CDH4: variants seen among roughly 807,000 people sequenced by gnomAD.
The protein encoded by CDH4 is cadherin-4.
CDH4 carries 33 observed loss-of-function variants against 86.0 expected under a neutral mutation model. That is an observed-to-expected ratio of 0.38 (90% confidence interval 0.29 to 0.51). The LOEUF (loss-of-function observed/expected upper bound fraction) is 0.51. CDH4 is among the 20% of genes least tolerant of loss of function. The probability of loss-of-function intolerance (pLI) is 0.86; values close to 1 mark genes in which losing one functional copy is unlikely to be tolerated. For missense variants in CDH4, 1,114 were observed against 1,307.4 expected, an observed-to-expected ratio of 0.85 and a Z score of 2.28; for synonymous variants, 555 against 549.4, an observed-to-expected ratio of 1.01 and a Z score of -0.14.
chr20:61,789,170 G>C (rs1979033153), intron 4 of CDH4, among the ~76,000 whole-genome samples: 1 of 152,186 alleles, frequency 6.6e-6, no homozygotes, highest in Non-Finnish European at 1.5e-5. Flanking sequence ...GATGGCACTG[G>C]CTTTCTCCGT....
intron 2 of CDH4, among the ~76,000 whole-genome samples, chr20:61,458,120 ATGGTGGTGG>A (rs570556793): frequency 6.9e-6 from 1 of 144,540 alleles, no homozygotes; most frequent in Non-Finnish European, 1.5e-5. Context: ...GACAGTGCTG[ATGGTGGTGG>A]TGGTGGTGAT....
chr20:61,934,547 G>A (rs972200680), intron 15 of CDH4, among the ~76,000 whole-genome samples: 14 of 152,250 alleles, frequency 9.2e-5, no homozygotes, highest in African/African-American at 3.1e-4. Flanking sequence ...GGCCTCAGGA[G>A]GAGAATCAGC....
chr20:61,545,821 CAT>C (rs552475216), intron 2 of CDH4, among the ~76,000 whole-genome samples: 12 of 134,788 alleles, frequency 8.9e-5, no homozygotes, highest in South Asian at 7.5e-4. Context: ...TGCGTGTTCA[CAT>C]GTGTGTATGT....
chr20:61,864,789 C>T (rs888122384), intron 6 of CDH4, among the ~76,000 whole-genome samples: 5 of 152,312 alleles, frequency 3.3e-5, no homozygotes, highest in Admixed American at 1.3e-4. Context: ...AATCCACTGA[C>T]AAACCAGCCC....
chr20:61,695,190 T>C (rs1171577647), intron 2 of CDH4, among the ~76,000 whole-genome samples: 5 of 152,258 alleles, frequency 3.3e-5, no homozygotes, highest in Non-Finnish European at 7.3e-5. Flanking sequence ...TAGCAACTTA[T>C]GCAGTAGGCA....
chr20:61,720,512 AGGGGTACAGAGTGGAGGGGTAT>A (rs2088026434), intron 2 of CDH4, among the ~76,000 whole-genome samples: 2 of 51,178 alleles, frequency 3.9e-5, no homozygotes, highest in South Asian at 1.2e-3. Flanking sequence ...TGCAGAGTGG[AGGGGTACAGAGTGGAGGGGTAT>A]GGGGTGCAGA....
In CDH4 at chr20:61,686,424, CGTGT is replaced by C. The variant is rs1568755367; in HGVS notation, c.170-57136_170-57133del. The stretch of plus-strand genomic sequence containing the variant: ...ACGTGTGTATGTGCCTGTACATTTG[CGTGT>C]GTATGTGCGTGTGCGTGTGCATTCG... On this transcript the variant is annotated intron_variant, in intron 2 of 15. Transcript: ENST00000614565. Among the ~76,000 whole-genome samples the C allele has an allele frequency of 1.1e-4, 16 of 146,130 alleles. No individual in the cohort carries two copies. The South Asian group carries it at 3.4e-3, about 31-fold the overall frequency.
rs187499387 is a variant in CDH4 at position 61,501,852 on chromosome 20, G to A, written c.170-241711G>A. Among the ~76,000 whole-genome samples the A allele has an allele frequency of 1.4e-4, 21 of 152,232 alleles. No individual in the cohort carries two copies. The highest frequency in any genetic ancestry group is 7.2e-4 in the Admixed American group (11 of 15,284). The stretch of plus-strand genomic sequence containing the variant: ...TGATTCCGGTGCTAACGCTGGACAC[G>A]TGTGTCCTTGTATATACCTGTTGCG... On this transcript the variant is annotated intron_variant, in intron 2 of 15. Coordinates refer to ENST00000614565, the MANE Select transcript of CDH4 (RefSeq NM_001794.5). This position sits in a 1 kb window ranked among gnomAD's most constrained non-coding sequence, Gnocchi z 4.2.
intron 2 of CDH4, among the ~76,000 whole-genome samples, chr20:61,346,523 C>T (rs1321352364): frequency 6.6e-6 from 1 of 152,106 alleles, no homozygotes; most frequent in African/African-American, 2.4e-5. Context: ...GCAGGCGGAT[C>T]ACCTGAGGCC....
At chr20:61,655,962 G>T (rs1429751578) in intron 2 of CDH4, among the ~76,000 whole-genome samples, 1 of 152,178 alleles carries the variant, frequency 6.6e-6, no homozygotes, top group Non-Finnish European at 1.5e-5. Context: ...AGTGTGAGAG[G>T]CTCGAGGGTG....
intron 2 of CDH4, among the ~76,000 whole-genome samples, chr20:61,429,074 G>A (rs913428872): frequency 3.5e-5 from 5 of 143,664 alleles, no homozygotes; most frequent in Non-Finnish European, 8.0e-5. Context: ...TTATGTTACC[G>A]TCATAAGTTA....
intron 2 of CDH4, among the ~76,000 whole-genome samples, chr20:61,279,243 G>A (rs1328482858): frequency 1.3e-5 from 2 of 152,196 alleles, no homozygotes; most frequent in Admixed American, 6.5e-5. Context: ...CACTCATGCT[G>A]TCTACCTGGC....
chr20:61,411,531 G>T (rs1161899622), intron 2 of CDH4, among the ~76,000 whole-genome samples: 1 of 151,886 alleles, frequency 6.6e-6, no homozygotes, highest in Non-Finnish European at 1.5e-5. Context: ...TCAACCTGGG[G>T]GCTCAGCTGC....
chr20:61,346,741 CA>C (rs11477481), intron 2 of CDH4, among the ~76,000 whole-genome samples: 76,888 of 135,284 alleles, frequency 0.57, 20,500 homozygotes, highest in African/African-American at 0.64. Context: ...GAGACTCTGT[CA>C]AAAAAAAAAA....
chr20:61,611,782 G>A (rs1041434755), intron 2 of CDH4, among the ~76,000 whole-genome samples: 2 of 152,112 alleles, frequency 1.3e-5, no homozygotes, highest in Admixed American at 6.5e-5. Context: ...TCAGTGGGGT[G>A]GATCAGCCAC....
intron 2 of CDH4, among the ~76,000 whole-genome samples, chr20:61,586,620 C>G (rs1348944883): frequency 3.9e-5 from 6 of 152,172 alleles, no homozygotes; most frequent in African/African-American, 1.2e-4. Flanking sequence ...TTCATTTGAT[C>G]CTTTTGTAGA....
At position 61,254,888 on chromosome 20, in the gene CDH4, C is replaced by G. The variant is rs1389605821; in HGVS notation, c.120C>G (p.Tyr40Ter). The change falls in exon 2 of 16, where the codon TAC becomes TAG. Residue 40 changes from tyrosine (Y) to a stop codon, truncating the protein, a stop_gained. Coordinates refer to ENST00000614565, the MANE Select transcript of CDH4 (RefSeq NM_001794.5). LOFTEE classifies it high-confidence loss of function. ...AGGCTGGGTTCTCTGAAGATGATTA[C>G]ACGGCATTAATCTCCCAAAATATTC... ...TCKAGFSEDDYTALISQNILE... is the reference protein window; with the variant it reads ...TCKAGFSEDD 1 of 1,613,376 alleles carries G rather than the reference C, an allele frequency of 6.2e-7. No homozygotes were observed. The highest frequency in any genetic ancestry group is 8.5e-7 in the Non-Finnish European group (1 of 1,179,356).
chr20:61,345,671 A>G (rs6101323), intron 2 of CDH4, among the ~76,000 whole-genome samples: 30,021 of 152,148 alleles, frequency 0.2, 2,962 homozygotes, highest in Middle Eastern at 0.35. Flanking sequence ...GGAGGGGAAC[A>G]GGGGAAGAGA....
intron 1 of CDH4, among the ~76,000 whole-genome samples, chr20:61,253,897 T>A (rs2084081543): frequency 6.6e-6 from 1 of 152,196 alleles, no homozygotes; most frequent in Non-Finnish European, 1.5e-5. Context: ...CGAGGCTTCC[T>A]GCGCTCGCCG....
Sources: allele counts gnomAD v4.1 joint callset (sites outside exome capture counted in the v4.1 genomes callset), GRCh38; gene constraint gnomAD v4.1.1; non-coding constraint Gnocchi (gnomAD v3.1); transcripts MANE v1.5; gene names NCBI Gene and HGNC (gene_info 2026-07-23, HGNC 2026-07-21).